NLGN1: variants seen among roughly 807,000 people sequenced by gnomAD.
The protein encoded by NLGN1 is neuroligin 1.
A neutral mutation model predicts 65.5 loss-of-function variants in NLGN1; 12 were observed. The ratio of observed to expected loss-of-function variants is 0.18; its 90% CI spans 0.12 to 0.30. NLGN1 has a LOEUF of 0.30. Among genes scored for constraint, NLGN1 ranks in the 10% least tolerant of loss-of-function variants. The pLI is 1.00. For synonymous variants in NLGN1, 350 were observed against 359.5 expected (o/e 0.97, Z 0.30); for missense variants, 750 against 1,007.1 (o/e 0.74, Z 3.46).
chr3:173,694,537 C>G (rs1254844968), intron 3 of NLGN1, among the ~76,000 whole-genome samples: 2 of 151,988 alleles, frequency 1.3e-5, no homozygotes, highest in Non-Finnish European at 2.9e-5. Flanking sequence ...TAAAAAGAAG[C>G]AAAACTGAAT....
At chr3:173,913,057 AC>A (rs1739958179) in intron 4 of NLGN1, among the ~76,000 whole-genome samples, 2 of 152,270 alleles carry the variant, frequency 1.3e-5, no homozygotes, top group South Asian at 4.1e-4. Context: ...ACTTAAGAAT[AC>A]CCATTCACCC....
intron 4 of NLGN1, among the ~76,000 whole-genome samples, chr3:174,058,548 C>T (rs1391456232): frequency 2.0e-5 from 3 of 151,836 alleles, no homozygotes; most frequent in Admixed American, 6.6e-5. Context: ...GGTAGATACT[C>T]GTATACATTT....
At chr3:174,011,640 C>A (rs934206629) in intron 4 of NLGN1, among the ~76,000 whole-genome samples, 1 of 152,100 alleles carries the variant, frequency 6.6e-6, no homozygotes. Flanking sequence ...CTCTCTCTCT[C>A]TGAAACCGTG....
At chr3:174,153,934 C>T (rs1724866929) in intron 4 of NLGN1, among the ~76,000 whole-genome samples, 1 of 152,008 alleles carries the variant, frequency 6.6e-6, no homozygotes, top group East Asian at 1.9e-4. Flanking sequence ...AAACACTAGC[C>T]AATTCAAAAT....
At chr3:173,533,931 G>A (rs745666912) in intron 2 of NLGN1, among the ~76,000 whole-genome samples, 2 of 152,098 alleles carry the variant, frequency 1.3e-5, no homozygotes, top group Non-Finnish European at 2.9e-5. Context: ...GCAGTGAGCC[G>A]TGATCGTGCC....
intron 2 of NLGN1, among the ~76,000 whole-genome samples, chr3:173,588,449 A>G (rs1362181272): frequency 6.6e-6 from 1 of 152,222 alleles, no homozygotes; most frequent in East Asian, 1.9e-4. Flanking sequence ...AGTAAAATCA[A>G]ACAAACAAAA....
chr3:173,528,621 G>C (rs1340546770), intron 2 of NLGN1, among the ~76,000 whole-genome samples: 3 of 151,964 alleles, frequency 2.0e-5, no homozygotes, highest in Non-Finnish European at 4.4e-5. Flanking sequence ...ATTTCTCCAA[G>C]GCTTTGTTTA....
At chr3:173,893,926 C>T (rs760192976) in intron 4 of NLGN1, among the ~76,000 whole-genome samples, 5 of 152,180 alleles carry the variant, frequency 3.3e-5, no homozygotes, top group African/African-American at 7.2e-5. Context: ...TACTCACATC[C>T]TTTATTCCCA....
chr3:174,185,356 T>C (rs1731195324), intron 4 of NLGN1, among the ~76,000 whole-genome samples: 1 of 152,140 alleles, frequency 6.6e-6, no homozygotes, highest in African/African-American at 2.4e-5. Context: ...AAATATAATA[T>C]CTGCACTGTC....
chr3:174,025,683 A>G (rs950535095), intron 4 of NLGN1, among the ~76,000 whole-genome samples: 1 of 152,190 alleles, frequency 6.6e-6, no homozygotes, highest in African/African-American at 2.4e-5. Context: ...CAGATGGACA[A>G]AAATTAGAAA....
intron 2 of NLGN1, among the ~76,000 whole-genome samples, chr3:173,493,262 A>ATATG (rs1729475999): frequency 6.6e-6 from 1 of 151,654 alleles, no homozygotes; most frequent in Non-Finnish European, 1.5e-5. Context: ...TGTTTATGAG[A>ATATG]TATGAACCAC....
At chr3:174,209,086 T>A (rs951327120) in intron 4 of NLGN1, among the ~76,000 whole-genome samples, 12 of 151,982 alleles carry the variant, frequency 7.9e-5, no homozygotes, top group Admixed American at 2.6e-4. Flanking sequence ...CAGGCCCAGC[T>A]AATTTTTGTA....
intron 4 of NLGN1, among the ~76,000 whole-genome samples, chr3:173,951,258 A>T (rs559669467): frequency 6.6e-6 from 1 of 152,294 alleles, no homozygotes; most frequent in South Asian, 2.1e-4. Flanking sequence ...TTGGAAAATT[A>T]TTTGGTAGTC....
chr3:173,885,669 A>G (rs1370431026), intron 4 of NLGN1, among the ~76,000 whole-genome samples: 1 of 152,130 alleles, frequency 6.6e-6, no homozygotes. Context: ...ATGTCACCAT[A>G]ATCAATTCAC....
At chr3:174,110,115 A>C (rs1269743196) in intron 4 of NLGN1, among the ~76,000 whole-genome samples, 1 of 152,040 alleles carries the variant, frequency 6.6e-6, no homozygotes, top group South Asian at 2.1e-4. Flanking sequence ...ACATTCTGCC[A>C]GTACCTACTT....
intron 1 of NLGN1, among the ~76,000 whole-genome samples, chr3:173,431,649 A>G (rs531328012): frequency 6.6e-6 from 1 of 152,256 alleles, no homozygotes; most frequent in Non-Finnish European, 1.5e-5. Flanking sequence ...TCATTCTTGC[A>G]TATCCTCTTC....
chr3:174,145,197 T>C (rs1722985983), intron 4 of NLGN1, among the ~76,000 whole-genome samples: 1 of 152,120 alleles, frequency 6.6e-6, no homozygotes, highest in African/African-American at 2.4e-5. Flanking sequence ...ACCTATTTTG[T>C]ATTTACAGAA....
chr3:173,595,377 A>G (rs529017376), intron 2 of NLGN1, among the ~76,000 whole-genome samples: 1 of 152,270 alleles, frequency 6.6e-6, no homozygotes, highest in Admixed American at 6.5e-5. Context: ...CTAAAACATA[A>G]CAAGAGTCAC....
intron 4 of NLGN1, among the ~76,000 whole-genome samples, chr3:173,875,392 A>G (rs919938870): frequency 3.3e-5 from 5 of 152,186 alleles, no homozygotes; most frequent in Non-Finnish European, 7.4e-5. Context: ...TAGTCTATTC[A>G]TTTGTAAAAG....
Sources: allele counts gnomAD v4.1 joint callset (sites outside exome capture counted in the v4.1 genomes callset), GRCh38; gene constraint gnomAD v4.1.1; transcripts MANE v1.5; gene names NCBI Gene and HGNC (gene_info 2026-07-23, HGNC 2026-07-21).